The following CACNG2 variants were observed in gnomAD, a reference collection of about 807,000 sequenced individuals.
The protein encoded by CACNG2 is voltage-dependent calcium channel gamma-2 subunit.
A neutral mutation model predicts 25.9 loss-of-function variants in CACNG2; 3 were observed. The ratio of observed to expected loss-of-function variants is 0.12; its 90% confidence interval spans 0.05 to 0.30. CACNG2 has a LOEUF of 0.30. CACNG2 is among the 10% of genes least tolerant of loss of function. The probability of loss-of-function intolerance (pLI) is 1.00; values close to 1 mark genes in which losing one functional copy is unlikely to be tolerated. For synonymous variants in CACNG2, 167 were observed against 173.3 expected (o/e 0.96, Z 0.29); for missense variants, 341 against 432.5 (o/e 0.79, Z 1.88).
intron 1 of CACNG2, among the ~76,000 whole-genome samples, chr22:36,683,941 C>T (rs991510934): frequency 2.0e-5 from 3 of 152,182 alleles, no homozygotes; most frequent in African/African-American, 7.2e-5. Context: ...CGAGTGCTCC[C>T]GACGCCTCAG....
intron 1 of CACNG2, among the ~76,000 whole-genome samples, chr22:36,689,198 C>G (rs1260946625): frequency 2.0e-5 from 3 of 152,122 alleles, no homozygotes; most frequent in South Asian, 4.1e-4. Context: ...AGGCTTTGGT[C>G]TCCTTCAGAG....
At chr22:36,644,443 G>C (rs1382677920) in intron 1 of CACNG2, among the ~76,000 whole-genome samples, 5 of 152,194 alleles carry the variant, frequency 3.3e-5, no homozygotes, top group African/African-American at 1.2e-4. Flanking sequence ...AGGTGCTGAA[G>C]CAAGTGGGGC....
Position 36,621,500 on chromosome 22 carries a change from G to T in CACNG2, c.212-33952C>A, listed in dbSNP as rs550115225. Among the ~76,000 whole-genome samples, 172 of 151,640 alleles carry T rather than the reference G, an allele frequency of 1.1e-3. 1 individual carries two copies. The highest frequency in any genetic ancestry group is 1.8e-4 in the Non-Finnish European group (12 of 67,980). On this transcript the variant is annotated intron_variant, in intron 1 of 3. Coordinates refer to ENST00000300105, the MANE Select transcript of CACNG2 (RefSeq NM_006078.5). ...CATGAAAATCGCTTGAACCCAGGAG[G>T]CAGAGATTGCACTGAGCTGAGATGG...
At chr22:36,610,840 G>A (rs1935929212) in intron 1 of CACNG2, among the ~76,000 whole-genome samples, 2 of 152,220 alleles carry the variant, frequency 1.3e-5, no homozygotes, top group South Asian at 4.1e-4. Flanking sequence ...GGGTTCTTGG[G>A]GAGACCGCCA....
intron 1 of CACNG2, among the ~76,000 whole-genome samples, chr22:36,676,932 T>TGTG (rs1937027309): frequency 1.4e-5 from 2 of 141,650 alleles, no homozygotes; most frequent in Admixed American, 1.4e-4. Context: ...TCTTCTAATA[T>TGTG]TGTGTGTGTG....
intron 3 of CACNG2, 118 bp from the exon 4 acceptor site, chr22:36,565,004 C>T (rs757434574): frequency 1.3e-5 from 11 of 873,680 alleles, no homozygotes; most frequent in Non-Finnish European, 1.9e-5. Flanking sequence ...TCCCCGGTCC[C>T]GCGCCTTCAT....
In CACNG2 at chr22:36,606,878, TGA is replaced by T. The variant is rs1569027456; in HGVS notation, c.212-19332_212-19331del. 6.6e-6 allele frequency among the ~76,000 whole-genome samples: 1 copy of T among 151,550 alleles called. No homozygotes were observed. Among genetic ancestry groups the T allele is most frequent in the African/African-American group, 2.4e-5 (1 of 41,234 alleles). On this transcript the variant is annotated intron_variant, in intron 1 of 3. Coordinates refer to ENST00000300105, the MANE Select transcript of CACNG2 (RefSeq NM_006078.5). The surrounding 1 kb of genome is among the most constrained non-coding windows in gnomAD (Gnocchi z 5.7). Reference sequence around the variant, plus strand: ...ATGTGTACGTGTGTATGTCTGTGTGTGAGTCTGTGTGTGTGTCTGTGGTGTGT... The same window carrying T: ...ATGTGTACGTGTGTATGTCTGTGTGTGTCTGTGTGTGTGTCTGTGGTGTGT...
chr22:36,645,599 G>A (rs965774874), intron 1 of CACNG2, among the ~76,000 whole-genome samples: 2 of 150,712 alleles, frequency 1.3e-5, no homozygotes, highest in East Asian at 3.9e-4. Flanking sequence ...TATTACATGT[G>A]CTTGTAATTG....
intron 1 of CACNG2, among the ~76,000 whole-genome samples, chr22:36,615,375 G>A (rs953772341): frequency 2.6e-5 from 4 of 152,236 alleles, no homozygotes; most frequent in Non-Finnish European, 4.4e-5. Flanking sequence ...TGACTGCTAC[G>A]CTCAACTGCC....
At chr22:36,678,062 C>T (rs905682297) in intron 1 of CACNG2, among the ~76,000 whole-genome samples, 2 of 152,098 alleles carry the variant, frequency 1.3e-5, no homozygotes, top group African/African-American at 4.8e-5. Flanking sequence ...TGCCAATGGT[C>T]GCAAAGGAGA....
chr22:36,699,373 G>A (rs1324729879), intron 1 of CACNG2, among the ~76,000 whole-genome samples: 3 of 152,026 alleles, frequency 2.0e-5, no homozygotes, highest in African/African-American at 7.3e-5. Flanking sequence ...AGGTGGTCAT[G>A]TATCTTCTCA....
At chr22:36,626,398 T>C (rs778186154) in intron 1 of CACNG2, among the ~76,000 whole-genome samples, 13 of 152,342 alleles carry the variant, frequency 8.5e-5, no homozygotes, top group East Asian at 1.9e-4. Context: ...TCTTTTTTTT[T>C]CCTCTCTTTT....
intron 1 of CACNG2, among the ~76,000 whole-genome samples, chr22:36,661,356 A>T (rs6519025): frequency 1.3e-5 from 2 of 152,088 alleles, no homozygotes; most frequent in Non-Finnish European, 2.9e-5. Flanking sequence ...TACACGGTGA[A>T]GTGGGAGAAG....
chr22:36,658,959 C>T (rs182903343), intron 1 of CACNG2, among the ~76,000 whole-genome samples: 2 of 152,094 alleles, frequency 1.3e-5, no homozygotes, highest in South Asian at 2.1e-4. Context: ...TTATAGGAGC[C>T]GAGGGAGCGC....
intron 2 of CACNG2, among the ~76,000 whole-genome samples, chr22:36,581,057 C>G (rs1202053890): frequency 6.6e-6 from 1 of 152,206 alleles, no homozygotes; most frequent in Non-Finnish European, 1.5e-5. Context: ...CCCCGGTCAC[C>G]ACAGCCTCGT....
chr22:36,587,939 A>T (rs1217907963), intron 1 of CACNG2, among the ~76,000 whole-genome samples: 1 of 152,212 alleles, frequency 6.6e-6, no homozygotes, highest in East Asian at 1.9e-4. Flanking sequence ...TACATGTGAG[A>T]AAGTAGCAGA....
At chr22:36,682,174 G>C (rs1937133168) in intron 1 of CACNG2, among the ~76,000 whole-genome samples, 1 of 152,200 alleles carries the variant, frequency 6.6e-6, no homozygotes, top group Non-Finnish European at 1.5e-5. Flanking sequence ...CTGAGACTTG[G>C]GGGAGAAGAC....
intron 1 of CACNG2, among the ~76,000 whole-genome samples, chr22:36,619,207 C>T (rs1279044994): frequency 2.6e-5 from 4 of 152,182 alleles, no homozygotes; most frequent in African/African-American, 9.7e-5. Context: ...AATCTATGCT[C>T]ATTCCACTGC....
intron 1 of CACNG2, among the ~76,000 whole-genome samples, chr22:36,624,727 T>C (rs117460893): frequency 9.9e-4 from 150 of 152,134 alleles, no homozygotes; most frequent in Non-Finnish European, 1.6e-3. Flanking sequence ...AGAGACCCTC[T>C]TGATCAAGAA....
Sources: allele counts gnomAD v4.1 joint callset (sites outside exome capture counted in the v4.1 genomes callset), GRCh38; gene constraint gnomAD v4.1.1; non-coding constraint Gnocchi (gnomAD v3.1); transcripts MANE v1.5; gene names NCBI Gene and HGNC (gene_info 2026-07-23, HGNC 2026-07-21).